MACC1: variants seen among roughly 807,000 people sequenced by gnomAD.
MACC1 encodes the protein MET transcriptional regulator MACC1.
A neutral mutation model predicts 70.7 loss-of-function variants in MACC1; 79 were observed. The observed-to-expected ratio is 1.12, with a 90% CI of 0.93 to 1.35. The LOEUF is 1.35. Among genes scored for constraint, MACC1 ranks in the 40% most tolerant of loss-of-function variants. The pLI, the probability that MACC1 is intolerant of heterozygous loss-of-function variation, is 0.00. For missense variants in MACC1, 1,106 were observed against 978.1 expected (o/e 1.13, Z -1.74); for synonymous variants, 361 against 347.2 (o/e 1.04, Z -0.44).
At chr7:20,201,320 T>A (rs1365355916) in intron 1 of MACC1, among the ~76,000 whole-genome samples, 2 of 152,070 alleles carry the variant, frequency 1.3e-5, no homozygotes, top group African/African-American at 2.4e-5. Context: ...AGCTCCACAG[T>A]GAAATTTGTA....
intron 1 of MACC1, among the ~76,000 whole-genome samples, chr7:20,181,605 C>A (rs1220296097): frequency 6.6e-6 from 1 of 151,998 alleles, no homozygotes; most frequent in Non-Finnish European, 1.5e-5. Flanking sequence ...AATATGCCAA[C>A]AACCTAGAAA....
rs1163773014 is a variant in MACC1 at position 20,134,890 on chromosome 7, A to T, written c.*6056T>A. The T allele has an allele frequency of 6.6e-6, 1 of 152,204 alleles. No individual in the cohort carries two copies. The highest frequency in any genetic ancestry group is 2.4e-5 in the African/African-American group (1 of 41,450). The allele number at this position is 152,204 out of a possible 1,614,324, so 9.4% of individuals were successfully genotyped here. On this transcript the variant is annotated 3_prime_UTR_variant, in exon 7 of 7. Transcript: ENST00000400331. ...ATGATGGCAGAGGATAAAACGTGATACGTCAATCTCAAAGTGAGATGGTTC... is the reference window on the plus strand; with the variant it reads ...ATGATGGCAGAGGATAAAACGTGATTCGTCAATCTCAAAGTGAGATGGTTC...
chr7:20,148,510 A>G (rs867638297), intron 6 of MACC1, among the ~76,000 whole-genome samples: 1 of 152,330 alleles, frequency 6.6e-6, no homozygotes, highest in African/African-American at 2.4e-5. Context: ...ACCTAAAGTC[A>G]AAATTAAATA....
chr7:20,176,629 G>C (rs1036892911), intron 1 of MACC1, among the ~76,000 whole-genome samples: 2 of 152,118 alleles, frequency 1.3e-5, no homozygotes, highest in Non-Finnish European at 2.9e-5. Flanking sequence ...TTACACAATT[G>C]TTTATAGCAG....
intron 1 of MACC1, among the ~76,000 whole-genome samples, chr7:20,180,127 A>G (rs781054610): frequency 4.4e-4 from 67 of 152,190 alleles, no homozygotes; most frequent in Non-Finnish European, 6.8e-4. Flanking sequence ...CAATTCAGAT[A>G]ATGATAGAAA....
At chr7:20,209,339 AC>A (rs1368515037) in intron 1 of MACC1, among the ~76,000 whole-genome samples, 1 of 152,226 alleles carries the variant, frequency 6.6e-6, no homozygotes, top group East Asian at 1.9e-4. Flanking sequence ...ACCCTGCAAA[AC>A]CACAGGGCTA....
chr7:20,154,930 G>C (rs1347998446), intron 5 of MACC1, among the ~76,000 whole-genome samples: 9 of 151,708 alleles, frequency 5.9e-5, no homozygotes, highest in Admixed American at 5.9e-4. Context: ...CTTCAACTTT[G>C]AACAAAGCTA....
chr7:20,188,474 C>T, intron 1 of MACC1, among the ~76,000 whole-genome samples: 1 of 152,176 alleles, frequency 6.6e-6, no homozygotes, highest in East Asian at 1.9e-4. Flanking sequence ...TCTATTGCAC[C>T]TTTTCTATAA....
chr7:20,216,303 T>C (rs1456531108), intron 1 of MACC1, among the ~76,000 whole-genome samples: 1 of 152,160 alleles, frequency 6.6e-6, no homozygotes, highest in Admixed American at 6.5e-5. Context: ...TGCTTTTTGA[T>C]CTTAAAAATA....
chr7:20,161,904 C>T (rs1340537472), intron 3 of MACC1, 34 bp from the exon 4 acceptor site: 4 of 1,220,004 alleles, frequency 3.3e-6, no homozygotes, highest in Non-Finnish European at 4.9e-6. Context: ...TTTTTGTAAG[C>T]ATACATATAC....
At chr7:20,184,725 C>T (rs369247532) in intron 1 of MACC1, among the ~76,000 whole-genome samples, 53 of 152,302 alleles carry the variant, frequency 3.5e-4, no homozygotes, top group African/African-American at 1.3e-3. Flanking sequence ...AAACAACACT[C>T]TTTACTCTTA....
At chr7:20,189,478 T>C (rs1311682195) in intron 1 of MACC1, among the ~76,000 whole-genome samples, 1 of 152,160 alleles carries the variant, frequency 6.6e-6, no homozygotes, top group East Asian at 1.9e-4. Context: ...CAAATTACAT[T>C]AATAGAATAA....
chr7:20,141,518 G>A (rs1781802223), intron 6 of MACC1, among the ~76,000 whole-genome samples: 2 of 150,146 alleles, frequency 1.3e-5, no homozygotes, highest in South Asian at 4.2e-4. Context: ...GACTTTTAGA[G>A]TTAATTATTA....
At chr7:20,179,116 T>A (rs1364611525) in intron 1 of MACC1, among the ~76,000 whole-genome samples, 2 of 152,328 alleles carry the variant, frequency 1.3e-5, no homozygotes, top group East Asian at 3.9e-4. Flanking sequence ...ATGTCCAATT[T>A]GTTGAGGTTT....
intron 1 of MACC1, among the ~76,000 whole-genome samples, chr7:20,213,484 A>G (rs1400914754): frequency 1.3e-5 from 2 of 152,248 alleles, no homozygotes; most frequent in Non-Finnish European, 2.9e-5. Context: ...ACATATGATC[A>G]TTGCAGCACT....
rs1781719840 is a variant in MACC1, at chr7:20,136,542, G to A, written c.*4404C>T. On this transcript the variant is annotated 3_prime_UTR_variant, in exon 7 of 7. Coordinates refer to ENST00000400331, the MANE Select transcript of MACC1 (RefSeq NM_182762.4). ...GCTGAACATCAGATACATTTCAGAT[G>A]CTGTATGTGTACAAATTCAACTTTC... is the stretch of plus-strand genomic sequence containing the variant. The A allele has an allele frequency of 6.6e-6, 1 of 152,194 alleles. No homozygotes were observed. Among genetic ancestry groups the A allele is most frequent in the Non-Finnish European group, 1.5e-5 (1 of 68,022 alleles). 9.4% of individuals were successfully genotyped at this position (152,194 alleles called of 1,614,324 possible).
intron 1 of MACC1, among the ~76,000 whole-genome samples, chr7:20,189,343 C>G (rs1782637902): frequency 6.6e-6 from 1 of 152,144 alleles, no homozygotes; most frequent in Admixed American, 6.5e-5. Flanking sequence ...GTTTATTTAT[C>G]TGTTTTGTTC....
rs541071154 is a variant in MACC1 at position 20,158,906 on chromosome 7, A to G, written c.1455T>C (p.Phe485=). ...VEHREMHLFD[F]CVQVEPPNGE... Reference sequence around the variant, plus strand: ...CATTGGGAGGCTCCACTTGAACACAAAAATCAAACAAGTGCATCTCTCTGT... The same window carrying G: ...CATTGGGAGGCTCCACTTGAACACAGAAATCAAACAAGTGCATCTCTCTGT... The change falls in exon 5 of 7, where the codon TTT becomes TTC. Residue 485 remains phenylalanine, a synonymous_variant. Coordinates refer to ENST00000400331, the MANE Select transcript of MACC1 (RefSeq NM_182762.4). 4.6e-5 allele frequency: 75 copies of G among 1,614,046 alleles called. 1 individual carries two copies. In the South Asian group the frequency reaches 7.7e-4, roughly 17 times the overall value.
chr7:20,147,904 T>C (rs1000731882), intron 6 of MACC1, among the ~76,000 whole-genome samples: 1 of 152,214 alleles, frequency 6.6e-6, no homozygotes, highest in African/African-American at 2.4e-5. Context: ...GATTCCTCAT[T>C]GCCTCCTCAT....
Sources: allele counts gnomAD v4.1 joint callset (sites outside exome capture counted in the v4.1 genomes callset), GRCh38; gene constraint gnomAD v4.1.1; transcripts MANE v1.5; gene names NCBI Gene and HGNC (gene_info 2026-07-23, HGNC 2026-07-21).